The following INVS variants were observed in gnomAD, a reference collection of about 807,000 sequenced individuals.
INVS encodes the protein inversion of embryo turning homolog.
INVS carries 86 observed loss-of-function variants against 108.8 expected under a neutral mutation model. The observed-to-expected ratio is 0.79, with a 90% CI of 0.66 to 0.95. The LOEUF (loss-of-function observed/expected upper bound fraction) is 0.95, where lower values mean the gene tolerates loss of function less well. Ranked by LOEUF, INVS falls within the 40% of genes least tolerant of loss-of-function variation. The pLI is 0.00. For missense variants in INVS, 1,169 were observed against 1,297.4 expected, an observed-to-expected ratio of 0.90 and a Z score of 1.52; for synonymous variants, 455 against 473.5, an observed-to-expected ratio of 0.96 and a Z score of 0.51.
chr9:100,296,943 A>G lies in INVS; in HGVS notation c.2813A>G (p.His938Arg). The change falls in exon 15 of 17, where the codon CAC becomes CGC. Residue 938 changes from histidine to arginine, a missense_variant. By Grantham distance (29) the His-to-Arg change is conservative. Coordinates refer to ENST00000262457, the MANE Select transcript of INVS (RefSeq NM_014425.5). ...RSYQLRKHLS[H>R]LRHMKQLGAG... ...TACCAGCTCAGGAAGCACCTGTCCC[A>G]CCTTCGGCATATGAAGCAGCTTGGA... is the stretch of plus-strand genomic sequence containing the variant. 6.2e-7 allele frequency: 1 copy of G among 1,614,020 alleles called. No individual in the cohort carries two copies. Among genetic ancestry groups the G allele is most frequent in the South Asian group, 1.1e-5 (1 of 91,066 alleles).
At chr9:100,174,325 C>G (rs149385464) in intron 3 of INVS, among the ~76,000 whole-genome samples, 19 of 151,620 alleles carry the variant, frequency 1.3e-4, no homozygotes, top group African/African-American at 4.4e-4. Flanking sequence ...TAAAGATTCA[C>G]TAGAAGGGCT....
Position 100,273,141 on chromosome 9 carries a change from G to T in INVS, c.1784+65G>T, listed in dbSNP as rs1258393786. The T allele has an allele frequency of 2.5e-6, 3 of 1,215,432 alleles. No homozygotes were observed. In the South Asian group the frequency reaches 3.6e-5, roughly 15 times the overall value. 75.3% of individuals were successfully genotyped at this position (1,215,432 alleles called of 1,614,324 possible). A position where few individuals can be genotyped will look rare whatever the true frequency, so the allele number is the denominator to read the frequency against. ...AATCAGGGTGGAAGTGGGGGTGTGG[G>T]GGGTGCTGGGGTGGCCAGGAGAGGG... On this transcript the variant is annotated intron_variant, in intron 12 of 16. Coordinates refer to ENST00000262457, the MANE Select transcript of INVS (RefSeq NM_014425.5).
In INVS at chr9:100,295,990, G is replaced by A. The variant is rs560211307; in HGVS notation, c.2787-927G>A. 3.9e-5 allele frequency among the ~76,000 whole-genome samples: 6 copies of A among 152,310 alleles called. No homozygotes were observed. The South Asian group carries it at 8.3e-4, about 21-fold the overall frequency. On this transcript the variant is annotated intron_variant, in intron 14 of 16. Coordinates refer to ENST00000262457, the MANE Select transcript of INVS (RefSeq NM_014425.5). ...ATGGTGTTACCCTCCAGGACAGAAG[G>A]AAGAGTAGTGTAGGCTGACTGAAAT...
intron 10 of INVS, among the ~76,000 whole-genome samples, chr9:100,256,797 C>A (rs1832435528): frequency 6.6e-6 from 1 of 152,286 alleles, no homozygotes; most frequent in East Asian, 1.9e-4. Flanking sequence ...GTTGTAATTT[C>A]TGTTCTTTTA....
intron 3 of INVS, among the ~76,000 whole-genome samples, chr9:100,155,815 T>G (rs746686690): frequency 3.2e-4 from 48 of 152,222 alleles, no homozygotes; most frequent in Non-Finnish European, 6.2e-4. Flanking sequence ...AAAGGTAAGA[T>G]GAAGCAAGTG....
In INVS at chr9:100,189,106, C is replaced by CTTTTT. The variant is rs60762136; in HGVS notation, c.274-36939_274-36935dup. Among the ~76,000 whole-genome samples the CTTTTT allele has an allele frequency of 4.2e-3, 289 of 69,442 alleles. 12 individuals are homozygous for CTTTTT. The highest frequency in any genetic ancestry group is 0.015 in the African/African-American group (214 of 14,708). The allele number at this position is 69,442 out of a possible 152,430, so 45.6% of individuals were successfully genotyped here. ...TTCTAATGGAACTTATTTGCATCTT[C>CTTTTT]TTTTTTTTTTTTTTTTTTTTTGGTT... On this transcript the variant is annotated intron_variant, in intron 3 of 16. Transcript: ENST00000262457.
chr9:100,248,348 A>T (rs1374523381), intron 8 of INVS, among the ~76,000 whole-genome samples: 2 of 152,198 alleles, frequency 1.3e-5, no homozygotes, highest in Non-Finnish European at 2.9e-5. Context: ...GTTCAGACAT[A>T]AATTCTTCTC....
chr9:100,126,641 G>A lies in INVS; in HGVS notation c.273+92G>A, dbSNP rs554712665. On this transcript the variant is annotated intron_variant, in intron 3 of 16. Coordinates refer to ENST00000262457, the MANE Select transcript of INVS (RefSeq NM_014425.5). ...TATGCAATGGACAGATAATAAAGAAGTCTCAAATGCATGACTCATAGGTTT... is the reference window on the plus strand; with the variant it reads ...TATGCAATGGACAGATAATAAAGAAATCTCAAATGCATGACTCATAGGTTT... 16 of 1,207,988 alleles carry A rather than the reference G, an allele frequency of 1.3e-5. No individual in the cohort carries two copies. In the African/African-American group the frequency reaches 1.3e-4, roughly 10 times the overall value. 74.8% of individuals were successfully genotyped at this position (1,207,988 alleles called of 1,614,324 possible).
In INVS at chr9:100,243,724, A is replaced by G. The variant is rs181306820; in HGVS notation, c.906+1045A>G. Reference sequence around the variant, plus strand: ...CGTTTCATCAAATTATAATAATACTATCAGGCCGGACACAGTAGCTCACAC... The same window carrying G: ...CGTTTCATCAAATTATAATAATACTGTCAGGCCGGACACAGTAGCTCACAC... On this transcript the variant is annotated intron_variant, in intron 7 of 16. Coordinates refer to ENST00000262457, the MANE Select transcript of INVS (RefSeq NM_014425.5). Among the ~76,000 whole-genome samples, 27 of 152,234 alleles carry G rather than the reference A, an allele frequency of 1.8e-4. 1 individual carries two copies. The highest frequency in any genetic ancestry group is 5.8e-4 in the East Asian group (3 of 5,172).
At chr9:100,146,109 C>G (rs1436203052) in intron 3 of INVS, among the ~76,000 whole-genome samples, 1 of 152,168 alleles carries the variant, frequency 6.6e-6, no homozygotes, top group Non-Finnish European at 1.5e-5. Context: ...AGTCACAGCA[C>G]CAAATTTCAT....
intron 13 of INVS, among the ~76,000 whole-genome samples, chr9:100,287,995 C>T (rs1161804288): frequency 6.6e-6 from 1 of 152,162 alleles, no homozygotes; most frequent in Admixed American, 6.5e-5. Context: ...CAACACCCCC[C>T]ACACCCAACA....
At position 100,297,007 on chromosome 9, in the gene INVS, A is replaced by G. The variant is rs1345164623; in HGVS notation, c.2877A>G (p.Ala959=). ...ACAGATGGAGGCAAGAGTCTACAGC[A>G]TTGCTCCTCCAGGTTTGGAGGAAGG... is the stretch of plus-strand genomic sequence containing the variant. ...DVDRWRQEST[A]LLLQVWRKEL... Residue 959 remains alanine (A), a synonymous_variant, in exon 15 of 17, where the codon GCA becomes GCG. Coordinates refer to ENST00000262457, the MANE Select transcript of INVS (RefSeq NM_014425.5). 1.9e-6 allele frequency: 3 copies of G among 1,613,996 alleles called. No individual in the cohort carries two copies. Among genetic ancestry groups the G allele is most frequent in the Non-Finnish European group, 1.7e-6 (2 of 1,179,988 alleles).
rs372583164 is a variant in INVS, at chr9:100,226,999, A to G, written c.447+764A>G. On this transcript the variant is annotated intron_variant, in intron 4 of 16. Transcript: ENST00000262457. ...CAGCCTTCCTGGGTTTCAACCCAGAATCCACTACTTAACTTGTTCTGTGTC... is the reference window on the plus strand; with the variant it reads ...CAGCCTTCCTGGGTTTCAACCCAGAGTCCACTACTTAACTTGTTCTGTGTC... Among the ~76,000 whole-genome samples the G allele has an allele frequency of 4.7e-4, 72 of 152,284 alleles. 1 individual carries two copies. In the East Asian group the frequency reaches 0.012, roughly 25 times the overall value.
At chr9:100,119,891 C>T (rs1383344644) in intron 2 of INVS, among the ~76,000 whole-genome samples, 1 of 152,156 alleles carries the variant, frequency 6.6e-6, no homozygotes, top group Non-Finnish European at 1.5e-5. Flanking sequence ...CTTAATATGT[C>T]AACCTTATTG....
intron 8 of INVS, among the ~76,000 whole-genome samples, chr9:100,247,821 C>A (rs1315121826): frequency 6.7e-6 from 1 of 150,372 alleles, no homozygotes; most frequent in African/African-American, 2.4e-5. Flanking sequence ...CTTTTTTTTT[C>A]TTTTTGAGAC....
intron 3 of INVS, among the ~76,000 whole-genome samples, chr9:100,182,500 T>C (rs1371006359): frequency 6.6e-6 from 1 of 152,082 alleles, no homozygotes; most frequent in Non-Finnish European, 1.5e-5. Flanking sequence ...AAGACGACAT[T>C]ATTGCGGCCA....
intron 3 of INVS, among the ~76,000 whole-genome samples, chr9:100,155,767 G>A (rs1452259621): frequency 2.0e-5 from 3 of 152,206 alleles, no homozygotes; most frequent in Non-Finnish European, 4.4e-5. Flanking sequence ...TACTGTTACT[G>A]TTATCTTGAC....
At chr9:100,195,875 A>C (rs1830358499) in intron 3 of INVS, among the ~76,000 whole-genome samples, 1 of 152,198 alleles carries the variant, frequency 6.6e-6, no homozygotes, top group Non-Finnish European at 1.5e-5. Flanking sequence ...TAATTTGCTA[A>C]TACATTAAGG....
chr9:100,165,876 A>T (rs1377487602), intron 3 of INVS, among the ~76,000 whole-genome samples: 1 of 152,062 alleles, frequency 6.6e-6, no homozygotes, highest in Non-Finnish European at 1.5e-5. Flanking sequence ...CTATTTCTCC[A>T]ATAGCTTTAC....
Sources: allele counts gnomAD v4.1 joint callset (sites outside exome capture counted in the v4.1 genomes callset), GRCh38; gene constraint gnomAD v4.1.1; transcripts MANE v1.5; gene names NCBI Gene and HGNC (gene_info 2026-07-23, HGNC 2026-07-21).